The following IL9 variants were observed in gnomAD, a reference collection of about 807,000 sequenced individuals.
The protein encoded by IL9 is interleukin-9.
A neutral mutation model predicts 12.9 loss-of-function variants in IL9; 16 were observed. That is an observed-to-expected ratio of 1.24 (90% CI 0.84 to 1.88). The LOEUF (loss-of-function observed/expected upper bound fraction) is 1.88, where lower values mean the gene tolerates loss of function less well. IL9 is among the 40% of genes most tolerant of loss of function. The probability of loss-of-function intolerance (pLI) is 0.00; values close to 1 mark genes in which losing one functional copy is unlikely to be tolerated. For synonymous variants in IL9, 69 were observed against 63.8 expected, an observed-to-expected ratio of 1.08 and a Z score of -0.39; for missense variants, 170 against 173.1, an observed-to-expected ratio of 0.98 and a Z score of 0.10.
chr5:135,892,508 A>T lies in IL9; in HGVS notation c.318T>A (p.Tyr106Ter), dbSNP rs1354644472. Residue 106 changes from tyrosine (Y) to a stop codon, truncating the protein, a stop_gained and splice_region_variant, in exon 5 of 5, where the codon TAT becomes TAA. Coordinates refer to ENST00000274520, the MANE Select transcript of IL9 (RefSeq NM_000590.2). LOFTEE classifies it low-confidence loss of function (END_TRUNC). ...GGTTGCATGGCTGTTCACAGGAAAA[A>T]TACTGTGGGGATGAAAGTTGATAAG... ...VEVLKNNKCP[Y>*]FSCEQPCNQT... 2 of 1,611,464 alleles carry T rather than the reference A, an allele frequency of 1.2e-6. No individual in the cohort carries two copies. The highest frequency in any genetic ancestry group is 8.5e-7 in the Non-Finnish European group (1 of 1,179,294).
At position 135,892,529 on chromosome 5, in the gene IL9, A is replaced by G; in HGVS notation, c.316-19T>C. 1 of 1,607,694 alleles carries G rather than the reference A, an allele frequency of 6.2e-7. No homozygotes were observed. Among genetic ancestry groups the G allele is most frequent in the Non-Finnish European group, 8.5e-7 (1 of 1,177,878 alleles). On this transcript the variant is annotated intron_variant, in intron 4 of 4. Transcript: ENST00000274520. Reference sequence around the variant, plus strand: ...AAAAATACTGTGGGGATGAAAGTTGATAAGGACAGAGTGACTCAAATGATG... The same window carrying G: ...AAAAATACTGTGGGGATGAAAGTTGGTAAGGACAGAGTGACTCAAATGATG...
chr5:135,894,082 A>T lies in IL9; in HGVS notation c.253T>A (p.Tyr85Asn). 6.2e-7 allele frequency: 1 copy of T among 1,613,316 alleles called. No individual in the cohort carries two copies. The highest frequency in any genetic ancestry group is 1.1e-5 in the South Asian group (1 of 90,970). ...QMTNTTMQTRYPLIFSRVKKS... is the reference protein window; with the variant it reads ...QMTNTTMQTRNPLIFSRVKKS... Reference sequence around the variant, plus strand: ...TTCACCCGACTGAAAATCAGTGGGTATCTTGTTTGCATGGTGGTATTGGTC... The same window carrying T: ...TTCACCCGACTGAAAATCAGTGGGTTTCTTGTTTGCATGGTGGTATTGGTC... The change falls in exon 4 of 5, where the codon TAC (tyrosine) becomes AAC (asparagine). Residue 85 changes from tyrosine to asparagine, a missense_variant. By Grantham distance (143) the Tyr-to-Asn change is moderately radical. Transcript: ENST00000274520.
intron 4 of IL9, among the ~76,000 whole-genome samples, chr5:135,893,414 G>A (rs1414102648): frequency 6.6e-6 from 1 of 151,856 alleles, no homozygotes; most frequent in Non-Finnish European, 1.5e-5. Flanking sequence ...GAGTTGGAGA[G>A]CAACCTGGCC....
intron 4 of IL9, among the ~76,000 whole-genome samples, chr5:135,892,759 C>G (rs1314475933): frequency 1.3e-5 from 2 of 151,710 alleles, no homozygotes; most frequent in Non-Finnish European, 2.9e-5. Flanking sequence ...CACACACACA[C>G]ACACACACAC....
In IL9 at chr5:135,895,604, A is replaced by G; in HGVS notation, c.115-14T>C. The G allele has an allele frequency of 6.2e-7, 1 of 1,613,952 alleles. No homozygotes were observed. The highest frequency in any genetic ancestry group is 8.5e-7 in the Non-Finnish European group (1 of 1,179,766). On this transcript the variant is annotated splice_polypyrimidine_tract_variant and intron_variant, in intron 1 of 4. Transcript: ENST00000274520. ...AGCTGGATCTTCCTAAAGTAGATAG[A>G]GAGATAAGAACCTTTAGTCAGCCCC...
chr5:135,894,792 T>C (rs1484682510), intron 3 of IL9, among the ~76,000 whole-genome samples: 1 of 152,184 alleles, frequency 6.6e-6, no homozygotes, highest in Non-Finnish European at 1.5e-5. Context: ...GAATTAGGAA[T>C]CAGAACTTTC....
chr5:135,892,960 A>G (rs1762893599), intron 4 of IL9, among the ~76,000 whole-genome samples: 1 of 152,234 alleles, frequency 6.6e-6, no homozygotes, highest in South Asian at 2.1e-4. Context: ...TCTGCCACTT[A>G]TCAAATATGC....
At chr5:135,895,497 G>A (rs1762928157) in intron 2 of IL9, 25 bp from the exon 3 acceptor site, 2 of 1,613,600 alleles carry the variant, frequency 1.2e-6, no homozygotes, top group Admixed American at 1.7e-5. Flanking sequence ...TCAGAGTGAA[G>A]ATTCCAGATG....
chr5:135,895,799 G>A lies in IL9; in HGVS notation c.18C>T (p.Val6=), dbSNP rs936508583. The change falls in exon 1 of 5, where the codon GTC becomes GTT. Residue 6 remains valine (V), a synonymous_variant. Coordinates refer to ENST00000274520, the MANE Select transcript of IL9 (RefSeq NM_000590.2). ...AGCACAGGAGCAGGGCAGAGGTAAG[G>A]ACCATGGCCAGAAGCATCTTGACAG... MLLAM[V]LTSALLLCSV... The A allele has an allele frequency of 6.2e-7, 1 of 1,613,494 alleles. No individual in the cohort carries two copies. Among genetic ancestry groups the A allele is most frequent in the African/African-American group, 1.3e-5 (1 of 75,032 alleles).
chr5:135,892,396 T>C lies in IL9; in HGVS notation c.430A>G (p.Ile144Val), dbSNP rs754170371. 6.3e-7 allele frequency: 1 copy of C among 1,595,224 alleles called. No individual in the cohort carries two copies. The highest frequency in any genetic ancestry group is 2.2e-5 in the East Asian group (1 of 44,780). Residue 144 changes from isoleucine (I) to valine (V), a missense_variant, in exon 5 of 5, where the codon ATA becomes GTA. Coordinates refer to ENST00000274520, the MANE Select transcript of IL9 (RefSeq NM_000590.2). ...GGATAAATAATATTTCATCTTCATA[T>C]CTTGCCTCTCATCCCTCTCATCTTT... ...KEKMRGMRGK[I>V]
Position 135,894,141 on chromosome 5 carries a change from G to A in IL9, c.194C>T (p.Thr65Ile), listed in dbSNP as rs201991327. The stretch of plus-strand genomic sequence containing the variant: ...CAGTCTCTCACTGAAGCATGGTCTG[G>A]TGCAGTTGTCCTGGTAAATAGTAAG... Reference protein sequence around the residue: ...LCLGIPSDNCTRPCFSERLSQ... With the variant: ...LCLGIPSDNCIRPCFSERLSQ... The change falls in exon 4 of 5, where the codon ACC becomes ATC. Residue 65 changes from threonine to isoleucine, a missense_variant. Transcript: ENST00000274520. 20 of 1,612,324 alleles carry A rather than the reference G, an allele frequency of 1.2e-5. No homozygotes were observed. The highest frequency in any genetic ancestry group is 1.4e-5 in the Non-Finnish European group (17 of 1,179,510).
chr5:135,893,568 C>T (rs750896131), intron 4 of IL9, among the ~76,000 whole-genome samples: 6 of 152,114 alleles, frequency 3.9e-5, no homozygotes, highest in Non-Finnish European at 7.4e-5. Flanking sequence ...GCTCAGATGG[C>T]ACCACTGCAC....
At chr5:135,893,023 C>T (rs182958939) in intron 4 of IL9, among the ~76,000 whole-genome samples, 55 of 152,222 alleles carry the variant, frequency 3.6e-4, no homozygotes, top group Non-Finnish European at 6.8e-4. Flanking sequence ...GAATAATTGT[C>T]CCTAAGGTAT....
Position 135,895,766 on chromosome 5 carries a change from T to G in IL9, c.51A>C (p.Ala17=). ...CCGCCAAGGTTGGACACCCCTGGCCTGCCACGGAGCACAGGAGCAGGGCAG... is the reference window on the plus strand; with the variant it reads ...CCGCCAAGGTTGGACACCCCTGGCCGGCCACGGAGCACAGGAGCAGGGCAG... ...LTSALLLCSV[A]GQGCPTLAGI... The change falls in exon 1 of 5, where the codon GCA becomes GCC. Residue 17 remains alanine, a synonymous_variant. Coordinates refer to ENST00000274520, the MANE Select transcript of IL9 (RefSeq NM_000590.2). 1 of 1,614,120 alleles carries G rather than the reference T, an allele frequency of 6.2e-7. No individual in the cohort carries two copies. The highest frequency in any genetic ancestry group is 1.1e-5 in the South Asian group (1 of 91,064).
intron 4 of IL9, among the ~76,000 whole-genome samples, chr5:135,893,457 C>T (rs1457984742): frequency 2.0e-5 from 3 of 151,742 alleles, no homozygotes; most frequent in Admixed American, 6.6e-5. Context: ...ATTAAAAATA[C>T]AAAAATTAGC....
In IL9 at chr5:135,892,418, C is replaced by A; in HGVS notation, c.408G>T (p.Lys136Asn). 1 of 1,610,456 alleles carries A rather than the reference C, an allele frequency of 6.2e-7. No homozygotes were observed. Among genetic ancestry groups the A allele is most frequent in the Non-Finnish European group, 8.5e-7 (1 of 1,177,286 alleles). The part of the protein sequence containing the change: ...KSLLEIFQKE[K>N]MRGMRGKI ...ATATCTTGCCTCTCATCCCTCTCAT[C>A]TTTTCTTTCTGGAAAATTTCCAGAA... is the stretch of plus-strand genomic sequence containing the variant. Residue 136 changes from lysine (K) to asparagine (N), a missense_variant, in exon 5 of 5, where the codon AAG becomes AAT. Transcript: ENST00000274520.
In IL9 at chr5:135,895,601, TAGAG is replaced by T; in HGVS notation, c.115-15_115-12del. ...GGAAGCTGGATCTTCCTAAAGTAGATAGAGAGATAAGAACCTTTAGTCAGCCCCG... is the reference window on the plus strand; with the variant it reads ...GGAAGCTGGATCTTCCTAAAGTAGATAGATAAGAACCTTTAGTCAGCCCCG... On this transcript the variant is annotated splice_polypyrimidine_tract_variant and intron_variant, in intron 1 of 4. Transcript: ENST00000274520. 1 of 1,613,964 alleles carries T rather than the reference TAGAG, an allele frequency of 6.2e-7. No homozygotes were observed. The highest frequency in any genetic ancestry group is 8.5e-7 in the Non-Finnish European group (1 of 1,179,812).
chr5:135,894,314 T>C (rs191654172), intron 3 of IL9, among the ~76,000 whole-genome samples, 163 bp from the exon 4 acceptor site: 1 of 152,224 alleles, frequency 6.6e-6, no homozygotes, highest in Admixed American at 6.5e-5. Flanking sequence ...TGATCTCCCG[T>C]ATTTAAAGGG....
At position 135,895,601 on chromosome 5, in the gene IL9, T is replaced by TAG; in HGVS notation, c.115-13_115-12dup. On this transcript the variant is annotated splice_polypyrimidine_tract_variant and intron_variant, in intron 1 of 4. Transcript: ENST00000274520. Reference sequence around the variant, plus strand: ...GGAAGCTGGATCTTCCTAAAGTAGATAGAGAGATAAGAACCTTTAGTCAGC... The same window carrying TAG: ...GGAAGCTGGATCTTCCTAAAGTAGATAGAGAGAGATAAGAACCTTTAGTCAGC... 1 of 1,613,964 alleles carries TAG rather than the reference T, an allele frequency of 6.2e-7. No individual in the cohort carries two copies. Among genetic ancestry groups the TAG allele is most frequent in the Non-Finnish European group, 8.5e-7 (1 of 1,179,812 alleles).
Sources: gnomAD v4.1 joint callset for allele counts (sites outside exome capture counted in the v4.1 genomes callset) on GRCh38, gnomAD v4.1.1 for gene constraint, MANE v1.5 for transcripts, NCBI Gene and HGNC (gene_info 2026-07-23, HGNC 2026-07-21) for gene names.